DNAH7: variants seen among roughly 807,000 people sequenced by gnomAD.
DNAH7 encodes the protein dynein axonemal heavy chain 7.
A neutral mutation model predicts 444.6 loss-of-function variants in DNAH7; 397 were observed. The ratio of observed to expected loss-of-function variants is 0.89; its 90% CI spans 0.82 to 0.97. DNAH7 has a LOEUF of 0.97. Among genes scored for constraint, DNAH7 ranks in the 50% least tolerant of loss-of-function variants. The pLI, the probability that DNAH7 is intolerant of heterozygous loss-of-function variation, is 0.00. For synonymous variants in DNAH7, 1,636 were observed against 1,624.4 expected, an observed-to-expected ratio of 1.01 and a Z score of -0.17; for missense variants, 4,902 against 4,800.8, an observed-to-expected ratio of 1.02 and a Z score of -0.62.
At chr2:195,833,458 C>T (rs1395084859) in intron 48 of DNAH7, among the ~76,000 whole-genome samples, 1 of 152,148 alleles carries the variant, frequency 6.6e-6, no homozygotes, top group African/African-American at 2.4e-5. Flanking sequence ...TATATTAGGT[C>T]TAATAACAAG....
intron 27 of DNAH7, among the ~76,000 whole-genome samples, chr2:195,906,384 A>G (rs574192426): frequency 6.7e-6 from 1 of 148,660 alleles, no homozygotes; most frequent in South Asian, 2.1e-4. Flanking sequence ...AGGATAGCAT[A>G]TTCTTTCTTT....
chr2:195,851,069 G>A (rs1315585278), intron 46 of DNAH7, among the ~76,000 whole-genome samples: 1 of 152,194 alleles, frequency 6.6e-6, no homozygotes, highest in Non-Finnish European at 1.5e-5. Context: ...CTGACAGAAA[G>A]AGCCACAGGT....
chr2:196,048,570 G>A (rs1159997234), intron 3 of DNAH7, among the ~76,000 whole-genome samples, 166 bp from the exon 4 acceptor site: 2 of 152,172 alleles, frequency 1.3e-5, no homozygotes, highest in African/African-American at 4.8e-5. Context: ...AATGGTCATG[G>A]TGTGCACCAT....
chr2:196,009,655 TAACA>T (rs754070495), intron 10 of DNAH7, among the ~76,000 whole-genome samples: 1 of 151,986 alleles, frequency 6.6e-6, no homozygotes, highest in African/African-American at 2.4e-5. Context: ...AGGCAAAAAT[TAACA>T]AACAGGATAA....
rs2125090646 is a variant in DNAH7, at chr2:195,864,156, C to G, written c.7499G>C (p.Trp2500Ser). Reference sequence around the variant, plus strand: ...AAATGTACATGACAATACCTGAAACCAGTCAATGGTACAGCAGTTAACAAG... The same window carrying G: ...AAATGTACATGACAATACCTGAAACGAGTCAATGGTACAGCAGTTAACAAG... Reference protein sequence around the residue: ...PALVNCCTIDWFQSWPEDALQ... With the variant: ...PALVNCCTIDSFQSWPEDALQ... The change falls in exon 41 of 65, where the codon TGG becomes TCG. Residue 2500 changes from tryptophan to serine, a missense_variant. By Grantham distance (177) the Trp-to-Ser change is radical. Coordinates refer to ENST00000312428, the MANE Select transcript of DNAH7 (RefSeq NM_018897.3). 6.2e-7 allele frequency: 1 copy of G among 1,611,468 alleles called. No individual in the cohort carries two copies.
chr2:195,766,492 T>C (rs983774463), intron 61 of DNAH7, among the ~76,000 whole-genome samples: 12 of 151,938 alleles, frequency 7.9e-5, no homozygotes, highest in Non-Finnish European at 1.2e-4. Context: ...ATTAAAACAA[T>C]TGAACTTGTG....
chr2:195,794,501 A>C lies in DNAH7; in HGVS notation c.10553T>G (p.Met3518Arg). ...SPESTHPDFR[M>R]WLTSYPSPNF... is the part of the protein sequence containing the mutation. ...TGGAGATGGGTAACTCGTTAGCCAC[A>C]TTCGGAAATCTGGATGTGTTGACTC... Residue 3518 changes from methionine (M) to arginine (R), a missense_variant, in exon 57 of 65, where the codon ATG becomes AGG. Met to Arg is a moderately conservative substitution (Grantham distance 91). Transcript: ENST00000312428. 1 of 1,614,198 alleles carries C rather than the reference A, an allele frequency of 6.2e-7. No homozygotes were observed. Among genetic ancestry groups the C allele is most frequent in the Admixed American group, 1.7e-5 (1 of 60,028 alleles).
intron 61 of DNAH7, among the ~76,000 whole-genome samples, chr2:195,760,927 G>A (rs1361456371): frequency 6.6e-6 from 1 of 152,108 alleles, no homozygotes; most frequent in East Asian, 1.9e-4. Flanking sequence ...ACTGAATAGT[G>A]TCTGGGTAGC....
At chr2:196,036,169 C>T (rs1382453333) in intron 5 of DNAH7, among the ~76,000 whole-genome samples, 1 of 151,928 alleles carries the variant, frequency 6.6e-6, no homozygotes, top group Non-Finnish European at 1.5e-5. Context: ...GTAGCTGGAA[C>T]TACAGGTGCC....
chr2:195,999,394 G>T (rs1008388251), intron 12 of DNAH7, among the ~76,000 whole-genome samples: 1 of 152,184 alleles, frequency 6.6e-6, no homozygotes, highest in Admixed American at 6.5e-5. Flanking sequence ...GGTCTGCAAG[G>T]GTCTGGGGAG....
chr2:196,027,603 TGAA>T (rs1695771174), intron 6 of DNAH7, among the ~76,000 whole-genome samples: 2 of 152,214 alleles, frequency 1.3e-5, no homozygotes, highest in South Asian at 2.1e-4. Context: ...TTTAAATACT[TGAA>T]GAATTACTAT....
chr2:195,785,682 T>C (rs766217517), intron 58 of DNAH7, among the ~76,000 whole-genome samples: 7 of 152,028 alleles, frequency 4.6e-5, no homozygotes, highest in Non-Finnish European at 7.4e-5. Context: ...CATGTGGTTT[T>C]TCTTCTTCAG....
At chr2:196,041,087 T>C (rs1461588268) in intron 5 of DNAH7, among the ~76,000 whole-genome samples, 2 of 152,006 alleles carry the variant, frequency 1.3e-5, no homozygotes, top group East Asian at 1.9e-4. Flanking sequence ...AAAGCAATCA[T>C]GGATTGGAAA....
rs773187064 is a variant in DNAH7, at chr2:195,900,360, C to A, written c.4470G>T (p.Glu1490Asp). Reference protein sequence around the residue: ...KIVATYRLCSEQLSSQHHYDY... With the variant: ...KIVATYRLCSDQLSSQHHYDY... ...CGTAGTGATGTTGAGATGACAGCTGCTCTGAACACAAGCGATACGTAGCCA... is the reference window on the plus strand; with the variant it reads ...CGTAGTGATGTTGAGATGACAGCTGATCTGAACACAAGCGATACGTAGCCA... The change falls in exon 28 of 65, where the codon GAG becomes GAT. Residue 1490 changes from glutamate to aspartate, a missense_variant. Physicochemically the swap from Glu to Asp is conservative, Grantham distance 45. Coordinates refer to ENST00000312428, the MANE Select transcript of DNAH7 (RefSeq NM_018897.3). 3 of 1,614,062 alleles carry A rather than the reference C, an allele frequency of 1.9e-6. No individual in the cohort carries two copies. The highest frequency in any genetic ancestry group is 2.2e-5 in the South Asian group (2 of 91,084).
Position 195,794,415 on chromosome 2 carries a change from A to T in DNAH7, c.10639T>A (p.Leu3547Ile). The T allele has an allele frequency of 1.9e-6, 3 of 1,614,152 alleles. No individual in the cohort carries two copies. The highest frequency in any genetic ancestry group is 2.5e-6 in the Non-Finnish European group (3 of 1,180,016). ...TATGATCGAATGATATTAGCCCGTAAACCTTTTGGTGCTTCATTGGTCATT... is the reference window on the plus strand; with the variant it reads ...TATGATCGAATGATATTAGCCCGTATACCTTTTGGTGCTTCATTGGTCATT... ...VKMTNEAPKG[L>I]RANIIRSYLM... The change falls in exon 57 of 65, where the codon TTA becomes ATA. Residue 3547 changes from leucine to isoleucine, a missense_variant. Coordinates refer to ENST00000312428, the MANE Select transcript of DNAH7 (RefSeq NM_018897.3).
chr2:195,849,884 T>G (rs1364508321), intron 46 of DNAH7, among the ~76,000 whole-genome samples: 2 of 152,204 alleles, frequency 1.3e-5, no homozygotes, highest in Admixed American at 1.3e-4. Context: ...ATTACGGGTG[T>G]GAGCCACCTC....
chr2:195,947,135 A>G (rs1689866062), intron 19 of DNAH7, among the ~76,000 whole-genome samples: 1 of 147,898 alleles, frequency 6.8e-6, no homozygotes, highest in South Asian at 2.1e-4. Context: ...TATATTATAT[A>G]TCTACATAAT....
intron 47 of DNAH7, among the ~76,000 whole-genome samples, chr2:195,841,616 T>C (rs1349049384): frequency 6.6e-6 from 1 of 152,004 alleles, no homozygotes; most frequent in Non-Finnish European, 1.5e-5. Context: ...ATACAAATTC[T>C]GAATTCAAAA....
chr2:196,064,815 C>T (rs1698333197), intron 1 of DNAH7, among the ~76,000 whole-genome samples: 1 of 152,104 alleles, frequency 6.6e-6, no homozygotes, highest in African/African-American at 2.4e-5. Context: ...ACAATGTATC[C>T]ATTCCATTCT....
Sources: allele counts gnomAD v4.1 joint callset (sites outside exome capture counted in the v4.1 genomes callset), GRCh38; gene constraint gnomAD v4.1.1; transcripts MANE v1.5; gene names NCBI Gene and HGNC (gene_info 2026-07-23, HGNC 2026-07-21).